Variants in LIN52 observed in about 807,000 individuals in gnomAD.
The protein encoded by LIN52 is lin-52 DREAM MuvB core complex component.
A neutral mutation model predicts 18.5 loss-of-function variants in LIN52; 4 were observed. The observed-to-expected ratio is 0.22, with a 90% CI of 0.11 to 0.49. The LOEUF is 0.49. Among genes scored for constraint, LIN52 ranks in the 20% least tolerant of loss-of-function variants. The probability of loss-of-function intolerance (pLI) is 0.97; values close to 1 mark genes in which losing one functional copy is unlikely to be tolerated. For missense variants in LIN52, 102 were observed against 139.5 expected (o/e 0.73, Z 1.35); for synonymous variants, 34 against 45.5 (o/e 0.75, Z 1.02).
chr14:74,158,140 A>C (rs2061208308), intron 5 of LIN52, among the ~76,000 whole-genome samples: 1 of 146,614 alleles, frequency 6.8e-6, no homozygotes, highest in Non-Finnish European at 1.5e-5. Flanking sequence ...TTTGAGATAG[A>C]GTCTCCCTCT....
intron 5 of LIN52, among the ~76,000 whole-genome samples, chr14:74,191,346 G>A (rs1242642134): frequency 1.3e-5 from 2 of 152,146 alleles, no homozygotes; most frequent in Non-Finnish European, 2.9e-5. Flanking sequence ...AGTACATAGT[G>A]TGTGCTCCAT....
intron 5 of LIN52, among the ~76,000 whole-genome samples, chr14:74,158,259 GC>G (rs2061209246): frequency 6.6e-6 from 1 of 151,222 alleles, no homozygotes; most frequent in African/African-American, 2.4e-5. Flanking sequence ...GATTACAGGT[GC>G]GCGTCACATG....
intron 4 of LIN52, among the ~76,000 whole-genome samples, chr14:74,099,842 A>G (rs1487208147): frequency 6.6e-6 from 1 of 152,188 alleles, no homozygotes; most frequent in African/African-American, 2.4e-5. Flanking sequence ...GGTGGTACCA[A>G]CTGATCCATC....
intron 5 of LIN52, among the ~76,000 whole-genome samples, chr14:74,176,072 G>A (rs928180330): frequency 5.8e-4 from 88 of 152,232 alleles, no homozygotes; most frequent in African/African-American, 2.0e-3. Flanking sequence ...CCCACTGGAA[G>A]GTCTTCAGAG....
At chr14:74,116,737 G>A (rs1359760343) in intron 5 of LIN52, among the ~76,000 whole-genome samples, 4 of 148,902 alleles carry the variant, frequency 2.7e-5, no homozygotes, top group Non-Finnish European at 4.5e-5. Context: ...AAGAAAAAAA[G>A]CACTAAAGGG....
At chr14:74,105,480 A>C (rs1203939922) in intron 5 of LIN52, among the ~76,000 whole-genome samples, 2 of 152,226 alleles carry the variant, frequency 1.3e-5, no homozygotes, top group East Asian at 3.8e-4. Context: ...TAGCTTTAAA[A>C]TTTAGAATGA....
At chr14:74,151,859 A>AT (rs897178813) in intron 5 of LIN52, among the ~76,000 whole-genome samples, 4 of 149,948 alleles carry the variant, frequency 2.7e-5, no homozygotes, top group South Asian at 2.1e-4. Context: ...TTAACCTGCC[A>AT]TTTTTTTTTT....
At chr14:74,189,820 T>C (rs2061355858) in intron 5 of LIN52, among the ~76,000 whole-genome samples, 1 of 152,246 alleles carries the variant, frequency 6.6e-6, no homozygotes, top group Non-Finnish European at 1.5e-5. Flanking sequence ...TTTTCTGTTA[T>C]GAAAAGCCAT....
chr14:74,169,158 A>T (rs2061261170), intron 5 of LIN52, among the ~76,000 whole-genome samples: 1 of 152,192 alleles, frequency 6.6e-6, no homozygotes, highest in African/African-American at 2.4e-5. Flanking sequence ...TGTCTCACTG[A>T]CTTGAGCCTT....
chr14:74,096,102 C>T (rs959847001), intron 3 of LIN52, 117 bp downstream of exon 3: 2 of 677,728 alleles, frequency 3.0e-6, no homozygotes, highest in African/African-American at 1.9e-5. Flanking sequence ...CACTCTTCGC[C>T]CAGGCTGGAG....
chr14:74,177,293 C>T (rs531949761), intron 5 of LIN52, among the ~76,000 whole-genome samples: 3 of 152,234 alleles, frequency 2.0e-5, no homozygotes, highest in South Asian at 4.1e-4. Flanking sequence ...CTACTGCGCC[C>T]GGCCTGTTTG....
At chr14:74,125,789 T>TA (rs1470878728) in intron 5 of LIN52, among the ~76,000 whole-genome samples, 10 of 142,180 alleles carry the variant, frequency 7.0e-5, no homozygotes, top group Non-Finnish European at 1.5e-5. Context: ...ATCACAAGGA[T>TA]AAAAAACCAA....
chr14:74,108,562 T>C (rs983503116), intron 5 of LIN52, among the ~76,000 whole-genome samples: 1 of 151,108 alleles, frequency 6.6e-6, no homozygotes, highest in Non-Finnish European at 1.5e-5. Flanking sequence ...ATTTTTTGTT[T>C]TTTTAATTAT....
chr14:74,094,440 G>A (rs967920818), intron 2 of LIN52, among the ~76,000 whole-genome samples: 4 of 151,818 alleles, frequency 2.6e-5, no homozygotes, highest in African/African-American at 7.3e-5. Context: ...AAAAATTTTG[G>A]GGGGGACAAG....
At position 74,096,664 on chromosome 14, in the gene LIN52, C is replaced by T. The variant is rs72725949; in HGVS notation, c.132+679C>T. On this transcript the variant is annotated intron_variant, in intron 3 of 5. Transcript: ENST00000555028. Reference sequence around the variant, plus strand: ...GCTGAAATAATGTTTCTCAACCCTACCTTTTGTGCATGACAGAATCATCAA... The same window carrying T: ...GCTGAAATAATGTTTCTCAACCCTATCTTTTGTGCATGACAGAATCATCAA... Among the ~76,000 whole-genome samples, 1,215 of 152,126 alleles carry T rather than the reference C, an allele frequency of 8.0e-3. 11 individuals are homozygous for T. The highest frequency in any genetic ancestry group is 0.038 in the Middle Eastern group (11 of 292).
rs71460962 is a variant in LIN52 at position 74,165,513 on chromosome 14, C to CTTTTTTTTT, written c.284-33402_284-33394dup. ...AATGGAGAATTACAGGTTTTCTTTTCTTTTTTTTTTTTTTTGAGACAGAGT... is the reference window on the plus strand; with the variant it reads ...AATGGAGAATTACAGGTTTTCTTTTCTTTTTTTTTTTTTTTTTTTTTTTTGAGACAGAGT... On this transcript the variant is annotated intron_variant, in intron 5 of 5. Coordinates refer to ENST00000555028, the MANE Select transcript of LIN52 (RefSeq NM_001024674.3). 3.5e-4 allele frequency among the ~76,000 whole-genome samples: 39 copies of CTTTTTTTTT among 110,178 alleles called. 3 individuals are homozygous for CTTTTTTTTT. Among genetic ancestry groups the CTTTTTTTTT allele is most frequent in the Non-Finnish European group, 4.5e-4 (25 of 56,074 alleles). The allele number at this position is 110,178 out of a possible 152,430, so 72.3% of individuals were successfully genotyped here.
At chr14:74,130,353 C>A (rs1212536850) in intron 5 of LIN52, among the ~76,000 whole-genome samples, 1 of 132,950 alleles carries the variant, frequency 7.5e-6, no homozygotes, top group Non-Finnish European at 1.5e-5. Context: ...CACTGCAACT[C>A]TGCAACTTCT....
rs557595841 is a variant in LIN52 at position 74,092,362 on chromosome 14, A to G, written c.94+1056A>G. The stretch of plus-strand genomic sequence containing the variant: ...CTCTAGTTGCCCAGGCTGGAGTGCA[A>G]TTGCTCAGTGTTGGCTCACTGCAAC... On this transcript the variant is annotated intron_variant, in intron 2 of 5. Transcript: ENST00000555028. Among the ~76,000 whole-genome samples the G allele has an allele frequency of 1.6e-4, 24 of 149,256 alleles. No individual in the cohort carries two copies. The South Asian group carries it at 3.2e-3, about 20-fold the overall frequency.
At chr14:74,152,195 G>A (rs1476874160) in intron 5 of LIN52, among the ~76,000 whole-genome samples, 3 of 151,488 alleles carry the variant, frequency 2.0e-5, no homozygotes, top group Admixed American at 6.6e-5. Flanking sequence ...CCCAGGAGGC[G>A]GAGGCTGCAG....
Sources: allele counts gnomAD v4.1 joint callset (sites outside exome capture counted in the v4.1 genomes callset), GRCh38; gene constraint gnomAD v4.1.1; transcripts MANE v1.5; gene names NCBI Gene and HGNC (gene_info 2026-07-23, HGNC 2026-07-21).